DPP10: variants seen among roughly 807,000 people sequenced by gnomAD.
DPP10 encodes the protein dipeptidyl peptidase like 10.
Under a neutral mutation model 120.9 loss-of-function variants are expected in DPP10, and 33 were observed. That is an observed-to-expected ratio of 0.27 (90% CI 0.21 to 0.37). DPP10 has a LOEUF of 0.37. Among genes scored for constraint, DPP10 ranks in the 10% least tolerant of loss-of-function variants. DPP10 has a pLI of 1.00. For missense variants in DPP10, 816 were observed against 942.8 expected (o/e 0.87, Z 1.76); for synonymous variants, 337 against 326.1 (o/e 1.03, Z -0.36).
intron 21 of DPP10, among the ~76,000 whole-genome samples, chr2:115,826,247 C>T (rs557292810): frequency 6.6e-6 from 1 of 152,286 alleles, no homozygotes; most frequent in South Asian, 2.1e-4. Context: ...AGTGCAGTAG[C>T]TTAGTTCAAA....
chr2:114,626,497 A>G (rs1457043461), intron 1 of DPP10, among the ~76,000 whole-genome samples: 1 of 152,058 alleles, frequency 6.6e-6, no homozygotes, highest in Non-Finnish European at 1.5e-5. Flanking sequence ...GAGACATGAA[A>G]AATGTTGGTT....
In DPP10 at chr2:115,163,970, G is replaced by A. The variant is rs1473292616; in HGVS notation, c.61-145269G>A. ...CATATGAAGAGATAGGTGCAAGCTC[G>A]AATCCATTTTTCTTGTTAGTGTGCA... On this transcript the variant is annotated intron_variant, in intron 1 of 25. Coordinates refer to ENST00000410059, the MANE Select transcript of DPP10 (RefSeq NM_020868.6). 2.6e-5 allele frequency among the ~76,000 whole-genome samples: 4 copies of A among 152,284 alleles called. No individual in the cohort carries two copies. The East Asian group carries it at 7.7e-4, about 29-fold the overall frequency.
intron 1 of DPP10, among the ~76,000 whole-genome samples, chr2:114,917,387 C>T (rs1694883612): frequency 6.6e-6 from 1 of 152,160 alleles, no homozygotes; most frequent in Admixed American, 6.5e-5. Context: ...AATTGTCATA[C>T]TTCCAACAGC....
intron 1 of DPP10, among the ~76,000 whole-genome samples, chr2:115,117,840 T>C (rs185219814): frequency 1.3e-5 from 2 of 152,290 alleles, no homozygotes; most frequent in East Asian, 3.9e-4. Flanking sequence ...GGATGCCCTC[T>C]CTTCCTTCTG....
chr2:114,767,278 A>T (rs1332419649), intron 1 of DPP10, among the ~76,000 whole-genome samples: 3 of 147,278 alleles, frequency 2.0e-5, no homozygotes, highest in African/African-American at 7.4e-5. Context: ...AATAGCCAAA[A>T]ATAAAGATAT....
intron 1 of DPP10, among the ~76,000 whole-genome samples, chr2:115,019,810 A>T (rs1250757087): frequency 2.0e-5 from 3 of 152,260 alleles, no homozygotes; most frequent in Non-Finnish European, 4.4e-5. Flanking sequence ...GATTAACAGC[A>T]GATTTCTCAG....
chr2:114,745,153 T>G (rs1171464810), intron 1 of DPP10, among the ~76,000 whole-genome samples: 1 of 152,206 alleles, frequency 6.6e-6, no homozygotes. Flanking sequence ...ATATTTGAAC[T>G]CAAATTAGCT....
chr2:114,914,699 A>G (rs1694638361), intron 1 of DPP10, among the ~76,000 whole-genome samples: 1 of 152,198 alleles, frequency 6.6e-6, no homozygotes, highest in South Asian at 2.1e-4. Flanking sequence ...CTCACATATC[A>G]ACATTAACCT....
At chr2:114,823,716 G>A (rs1312847518) in intron 1 of DPP10, among the ~76,000 whole-genome samples, 1 of 152,166 alleles carries the variant, frequency 6.6e-6, no homozygotes, top group African/African-American at 2.4e-5. Flanking sequence ...AGTGTTACCA[G>A]GGCCATATGG....
chr2:115,524,754 G>T (rs182941447), intron 4 of DPP10, among the ~76,000 whole-genome samples: 1 of 152,078 alleles, frequency 6.6e-6, no homozygotes, highest in Non-Finnish European at 1.5e-5. Context: ...TGTTGCAGTC[G>T]CATTAGCATG....
intron 1 of DPP10, among the ~76,000 whole-genome samples, chr2:114,691,514 G>C (rs1004864305): frequency 4.6e-5 from 7 of 152,096 alleles, no homozygotes; most frequent in African/African-American, 1.7e-4. Context: ...AAGTATATTG[G>C]CCTGAAGTTT....
chr2:114,464,519 G>C (rs763488587), intron 1 of DPP10, among the ~76,000 whole-genome samples: 2 of 152,112 alleles, frequency 1.3e-5, no homozygotes, highest in Non-Finnish European at 2.9e-5. Flanking sequence ...AGATATGGTT[G>C]TTGAAAATAT....
chr2:115,388,991 A>C (rs2067142792), intron 3 of DPP10, among the ~76,000 whole-genome samples: 2 of 152,202 alleles, frequency 1.3e-5, no homozygotes, highest in Admixed American at 1.3e-4. Flanking sequence ...AATAAAACAC[A>C]CAAGTTTTTA....
intron 1 of DPP10, among the ~76,000 whole-genome samples, chr2:114,886,299 A>G (rs2106621360): frequency 6.6e-6 from 1 of 152,300 alleles, no homozygotes; most frequent in Non-Finnish European, 1.5e-5. Context: ...CAAGTAAAAA[A>G]CAGGTCATCC....
At chr2:115,192,957 C>T (rs549675792) in intron 1 of DPP10, among the ~76,000 whole-genome samples, 6 of 151,740 alleles carry the variant, frequency 4.0e-5, no homozygotes, top group Middle Eastern at 3.4e-3. Context: ...TCAAAACTTG[C>T]TTAAACTTTA....
At chr2:115,460,166 TC>T (rs2073905417) in intron 3 of DPP10, among the ~76,000 whole-genome samples, 1 of 152,090 alleles carries the variant, frequency 6.6e-6, no homozygotes, top group Non-Finnish European at 1.5e-5. Context: ...ATAGGTACTT[TC>T]TAGTGACTGA....
intron 1 of DPP10, among the ~76,000 whole-genome samples, chr2:115,077,827 C>T (rs1707928405): frequency 6.6e-6 from 1 of 152,212 alleles, no homozygotes; most frequent in Non-Finnish European, 1.5e-5. Flanking sequence ...GACTTTCCTC[C>T]TTGCTAACCA....
At chr2:115,735,479 C>G (rs1559089953) in intron 8 of DPP10, among the ~76,000 whole-genome samples, 1 of 152,034 alleles carries the variant, frequency 6.6e-6, no homozygotes, top group Admixed American at 6.6e-5. Context: ...GTGGATCAGG[C>G]CAAAATTTCA....
intron 3 of DPP10, among the ~76,000 whole-genome samples, chr2:115,434,732 A>C (rs1016873228): frequency 1.3e-5 from 2 of 151,738 alleles, no homozygotes; most frequent in Non-Finnish European, 3.0e-5. Flanking sequence ...TATTTTTAAA[A>C]TGTTAATTAT....
Sources: gnomAD v4.1 joint callset for allele counts (sites outside exome capture counted in the v4.1 genomes callset) on GRCh38, gnomAD v4.1.1 for gene constraint, MANE v1.5 for transcripts, NCBI Gene and HGNC (gene_info 2026-07-23, HGNC 2026-07-21) for gene names.